The following ZNF273 variants were observed in gnomAD, a reference collection of about 807,000 sequenced individuals.
The protein encoded by ZNF273 is zinc finger protein 9.
ZNF273 carries 11 observed loss-of-function variants against 14.9 expected under a neutral mutation model. The ratio of observed to expected loss-of-function variants is 0.74; its 90% confidence interval spans 0.46 to 1.22. The LOEUF (loss-of-function observed/expected upper bound fraction) is 1.22. Among genes scored for constraint, ZNF273 ranks in the 50% most tolerant of loss-of-function variants. ZNF273 has a pLI of 0.00. For missense variants in ZNF273, 577 were observed against 660.6 expected (o/e 0.87, Z 1.39); for synonymous variants, 199 against 223.9 (o/e 0.89, Z 0.99).
chr7:64,883,990 C>T (rs988931838), downstream of ZNF273, among the ~76,000 whole-genome samples: 1 of 152,238 alleles, frequency 6.6e-6, no homozygotes, highest in African/African-American at 2.4e-5. Context: ...AACTCTTGTT[C>T]TCCCACTTCT....
rs1357658158 is a variant in ZNF273, at chr7:64,904,126, CG to C, written c.102+708del. On this transcript the variant is annotated intron_variant, in intron 1 of 3. Coordinates refer to ENST00000476120, the MANE Select transcript of ZNF273 (RefSeq NM_021148.3). ...TTTCTGAGACAGAGTCTCACACTGT[CG>C]CTCAGGCTGGAGTGCAATGGCAGCC... Among the ~76,000 whole-genome samples the C allele has an allele frequency of 3.3e-5, 5 of 152,278 alleles. No homozygotes were observed. In the East Asian group the frequency reaches 9.6e-4, roughly 29 times the overall value.
chr7:64,912,826 G>GTTTTTTTTTTGTTTTTTTTTTT (rs1793639617), intron 1 of ZNF273, among the ~76,000 whole-genome samples: 1 of 36,568 alleles, frequency 2.7e-5, no homozygotes, highest in African/African-American at 8.2e-5. Context: ...ATTCATTTTA[G>GTTTTTTTTTTGTTTTTTTTTTT]TTTTTTTTTT....
downstream of ZNF273, among the ~76,000 whole-genome samples, chr7:64,883,339 C>T (rs1367783300): frequency 6.6e-6 from 1 of 152,012 alleles, no homozygotes; most frequent in Non-Finnish European, 1.5e-5. Context: ...CAGTCCTGTG[C>T]GCAGGGCTCC....
Position 64,887,569 on chromosome 7 carries a change from C to T in ZNF273, n.274-1004C>T, listed in dbSNP as rs1791667658. ...CTGGAGTGCAGTGGTGGGATCTCAGCTCACTGCAACCTCTGCCTCCCGGGT... is the reference window on the plus strand; with the variant it reads ...CTGGAGTGCAGTGGTGGGATCTCAGTTCACTGCAACCTCTGCCTCCCGGGT... On this transcript the variant is annotated intron_variant and non_coding_transcript_variant, in intron 1 of 1. Coordinates refer to the ZNF273 transcript ENST00000471926. Among the ~76,000 whole-genome samples, 4 of 152,322 alleles carry T rather than the reference C, an allele frequency of 2.6e-5. 1 individual carries two copies. The South Asian group carries it at 8.3e-4, about 32-fold the overall frequency.
At chr7:64,893,876 G>T (rs1484392792), downstream of ZNF273, 1 of 153,260 alleles carries the variant, frequency 6.5e-6, no homozygotes, top group Admixed American at 6.5e-5. Flanking sequence ...ATCATTTCCT[G>T]CATGTTCCAA....
At position 64,927,762 on chromosome 7, in the gene ZNF273, A is replaced by C; in HGVS notation, c.434A>C (p.Gln145Pro). 1 of 1,613,666 alleles carries C rather than the reference A, an allele frequency of 6.2e-7. No homozygotes were observed. Among genetic ancestry groups the C allele is most frequent in the Non-Finnish European group, 8.5e-7 (1 of 1,179,900 alleles). The change falls in exon 4 of 4, where the codon CAA (glutamine) becomes CCA (proline). Residue 145 changes from glutamine (Q) to proline (P), a missense_variant. Gln to Pro is a moderately conservative substitution (Grantham distance 76). This residue lies in a region of ZNF273 where 162 missense variants were observed against 203.5 expected (regional missense o/e 0.80). Coordinates refer to ENST00000476120, the MANE Select transcript of ZNF273 (RefSeq NM_021148.3). Reference protein sequence around the residue: ...RYGKYGHENLQLRKGCKSADE... With the variant: ...RYGKYGHENLPLRKGCKSADE... The stretch of plus-strand genomic sequence containing the variant: ...GGAAAATATGGACATGAGAATTTAC[A>C]ATTAAGAAAAGGCTGTAAAAGTGCG...
downstream of ZNF273, among the ~76,000 whole-genome samples, chr7:64,932,350 G>T (rs184346878): frequency 7.2e-3 from 1,100 of 151,994 alleles, 15 homozygotes; most frequent in African/African-American, 0.023. Context: ...CACTCTTGTT[G>T]CCCAGGCTGG....
chr7:64,905,306 A>G (rs985339688), intron 1 of ZNF273, among the ~76,000 whole-genome samples: 22 of 150,352 alleles, frequency 1.5e-4, no homozygotes, highest in African/African-American at 5.4e-4. Context: ...TGTAGAGAGG[A>G]GGTTTCACCA....
chr7:64,904,912 C>T (rs1324111322), intron 1 of ZNF273, among the ~76,000 whole-genome samples: 1 of 152,082 alleles, frequency 6.6e-6, no homozygotes, highest in African/African-American at 2.4e-5. Context: ...TCAGCCACTC[C>T]TCAGTGTTTT....
In ZNF273 at chr7:64,903,276, T is replaced by C; in HGVS notation, c.-42T>C. Reference sequence around the variant, plus strand: ...TCCGGGATTTGGCGGGGCCTTTGTCTCTCGCTGCAGTCGCAGCTCCAGGTC... The same window carrying C: ...TCCGGGATTTGGCGGGGCCTTTGTCCCTCGCTGCAGTCGCAGCTCCAGGTC... On this transcript the variant is annotated 5_prime_UTR_variant, in exon 1 of 4. Transcript: ENST00000476120. 6.5e-7 allele frequency: 1 copy of C among 1,532,320 alleles called. No individual in the cohort carries two copies. Among genetic ancestry groups the C allele is most frequent in the Non-Finnish European group, 9.0e-7 (1 of 1,110,212 alleles). The allele number at this position is 1,532,320 out of a possible 1,614,324, so 94.9% of individuals were successfully genotyped here.
intron 3 of ZNF273, among the ~76,000 whole-genome samples, chr7:64,895,288 G>C (rs985727006): frequency 9.2e-5 from 14 of 152,106 alleles, no homozygotes; most frequent in Admixed American, 6.5e-4. Flanking sequence ...AAAATTTTTA[G>C]TTTAACCTAA....
At chr7:64,931,143 G>A (rs1419833646), downstream of ZNF273, among the ~76,000 whole-genome samples, 1 of 152,096 alleles carries the variant, frequency 6.6e-6, no homozygotes, top group East Asian at 1.9e-4. Flanking sequence ...GTGTGCTTGT[G>A]TGAGTATGTT....
chr7:64,906,196 A>C (rs1793098788), intron 1 of ZNF273, among the ~76,000 whole-genome samples: 1 of 152,202 alleles, frequency 6.6e-6, no homozygotes, highest in East Asian at 1.9e-4. Flanking sequence ...ATTTGTGAAA[A>C]CATCAGTTCC....
In ZNF273 at chr7:64,917,581, G is replaced by A. The variant is rs531384434; in HGVS notation, c.103G>A (p.Gly35Arg). ...GTTTTTGTGTGTGTGTGTTTTTCAG[G>A]GACCACTGACATTTAGGGATGTGGC... ...TPGLPGSLEM[G>R]PLTFRDVAIE... Residue 35 changes from glycine (G) to arginine (R), a missense_variant and splice_region_variant, in exon 2 of 4, where the codon GGA (glycine) becomes AGA (arginine). Transcript: ENST00000476120. The A allele has an allele frequency of 2.6e-5, 42 of 1,594,852 alleles. No homozygotes were observed. In the South Asian group the frequency reaches 4.1e-4, roughly 15 times the overall value.
downstream of ZNF273, among the ~76,000 whole-genome samples, chr7:64,881,760 C>T (rs1285980567): frequency 1.3e-5 from 2 of 152,204 alleles, no homozygotes; most frequent in Non-Finnish European, 1.5e-5. Flanking sequence ...GTTGTTTGAA[C>T]TCTGCGGGAG....
chr7:64,915,561 A>G (rs911404484), intron 1 of ZNF273, among the ~76,000 whole-genome samples: 1 of 152,350 alleles, frequency 6.6e-6, no homozygotes, highest in African/African-American at 2.4e-5. Context: ...CAGATCGCCC[A>G]TGCTATTGTT....
At chr7:64,889,505 C>T, downstream of ZNF273, 1 of 985,872 alleles carries the variant, frequency 1.0e-6, no homozygotes, top group Non-Finnish European at 1.2e-6. This position sits in a 1 kb window ranked among gnomAD's most constrained non-coding sequence, Gnocchi z 4.2. Flanking sequence ...TCTTCTAGGT[C>T]GCCCTGGTTC....
intron 1 of ZNF273, among the ~76,000 whole-genome samples, chr7:64,916,504 C>A (rs556269074): frequency 6.9e-6 from 1 of 145,010 alleles, no homozygotes; most frequent in South Asian, 2.2e-4. Flanking sequence ...GAGATCACAC[C>A]ATTGCACTCT....
intron 2 of ZNF273, among the ~76,000 whole-genome samples, 181 bp downstream of exon 2, chr7:64,917,888 G>A (rs1379033590): frequency 2.0e-5 from 3 of 151,900 alleles, no homozygotes; most frequent in South Asian, 2.1e-4. Context: ...AACTTTCCAC[G>A]TTCTTGAGCT....
Sources: gnomAD v4.1 joint callset for allele counts (sites outside exome capture counted in the v4.1 genomes callset) on GRCh38, gnomAD v4.1.1 for gene constraint, gnomAD v4.1.1 regional missense constraint, Gnocchi (gnomAD v3.1) non-coding constraint, MANE v1.5 for transcripts, NCBI Gene and HGNC (gene_info 2026-07-23, HGNC 2026-07-21) for gene names.